The following PPP2R5E variants were observed in gnomAD, a reference collection of about 807,000 sequenced individuals.
PPP2R5E encodes the protein serine/threonine-protein phosphatase 2A 56 kDa regulatory subunit epsilon isoform.
In PPP2R5E, 4 loss-of-function variants were observed where a neutral mutation model predicts 65.3. The observed-to-expected ratio is 0.06, with a 90% CI of 0.03 to 0.14. The LOEUF (loss-of-function observed/expected upper bound fraction) is 0.14. PPP2R5E is among the 10% of genes least tolerant of loss of function. PPP2R5E has a pLI of 1.00. For synonymous variants in PPP2R5E, 183 were observed against 187.4 expected (o/e 0.98, Z 0.19); for missense variants, 274 against 556.1 (o/e 0.49, Z 5.10).
intron 5 of PPP2R5E, among the ~76,000 whole-genome samples, chr14:63,412,923 A>G (rs1886480906): frequency 6.6e-6 from 1 of 152,212 alleles, no homozygotes; most frequent in South Asian, 2.1e-4. Flanking sequence ...CTAAGACCTG[A>G]AAGGTTATGT....
In PPP2R5E at chr14:63,414,587, G is replaced by T. The variant is rs144260201; in HGVS notation, c.549+553C>A. Among the ~76,000 whole-genome samples, 379 of 152,254 alleles carry T rather than the reference G, an allele frequency of 2.5e-3. 2 individuals carry two copies. The highest frequency in any genetic ancestry group is 9.0e-3 in the African/African-American group (372 of 41,552). On this transcript the variant is annotated intron_variant, in intron 5 of 13. Transcript: ENST00000337537. Reference sequence around the variant, plus strand: ...ATTGTTATAACATGCACAATGAGGAGTCAGGAAAAAAGTGTTCCCGGAGAT... The same window carrying T: ...ATTGTTATAACATGCACAATGAGGATTCAGGAAAAAAGTGTTCCCGGAGAT...
At chr14:63,518,320 C>T (rs1892746078) in intron 2 of PPP2R5E, among the ~76,000 whole-genome samples, 1 of 152,198 alleles carries the variant, frequency 6.6e-6, no homozygotes, top group African/African-American at 2.4e-5. Flanking sequence ...TGGTTAACTG[C>T]AGCCTCAAAC....
intron 2 of PPP2R5E, among the ~76,000 whole-genome samples, chr14:63,525,091 C>T (rs1303029535): frequency 2.0e-5 from 3 of 152,192 alleles, no homozygotes; most frequent in African/African-American, 7.2e-5. Flanking sequence ...AAGCAAACAT[C>T]GCTTGTTCTT....
At chr14:63,397,384 C>T (rs58330493) in intron 5 of PPP2R5E, among the ~76,000 whole-genome samples, 10,900 of 151,654 alleles carry the variant, frequency 0.072, 529 homozygotes, top group East Asian at 0.25. Context: ...CACCTGTAAT[C>T]CCAGCTACTC....
chr14:63,538,899 G>A (rs958167663), intron 2 of PPP2R5E, among the ~76,000 whole-genome samples: 10 of 151,848 alleles, frequency 6.6e-5, no homozygotes, highest in African/African-American at 2.4e-4. Context: ...GAACCAGCCT[G>A]AGCAACAGAG....
chr14:63,515,140 G>A (rs1892615637), intron 2 of PPP2R5E, among the ~76,000 whole-genome samples: 1 of 151,744 alleles, frequency 6.6e-6, no homozygotes, highest in Non-Finnish European at 1.5e-5. Context: ...ACTTAGAGAG[G>A]GGAAAAAAGA....
chr14:63,532,867 C>T (rs1032540064), intron 2 of PPP2R5E, among the ~76,000 whole-genome samples: 1 of 152,190 alleles, frequency 6.6e-6, no homozygotes, highest in African/African-American at 2.4e-5. Flanking sequence ...CAGCATTTCA[C>T]TCTGTTGCCC....
chr14:63,389,777 A>C (rs1884901065), intron 10 of PPP2R5E, 46 bp from the exon 11 acceptor site: 1 of 1,509,734 alleles, frequency 6.6e-7, no homozygotes, highest in Admixed American at 2.4e-5. Flanking sequence ...ATCATGAAAA[A>C]AAATCCATAA....
At position 63,399,366 on chromosome 14, in the gene PPP2R5E, C is replaced by CTTTTTTTTTTTTTTTTTTTTTTTTTT. The variant is rs397814218; in HGVS notation, c.550-2676_550-2651dup. ...GCTACTAATAGGTCTGGATTTCTTT[C>CTTTTTTTTTTTTTTTTTTTTTTTTTT]TTTTTTTTTTTTTTTTTTTTTTTTT... On this transcript the variant is annotated intron_variant, in intron 5 of 13. Transcript: ENST00000337537. Among the ~76,000 whole-genome samples, 2 of 48,504 alleles carry CTTTTTTTTTTTTTTTTTTTTTTTTTT rather than the reference C, an allele frequency of 4.1e-5. 1 individual carries two copies. The highest frequency in any genetic ancestry group is 7.2e-5 in the Non-Finnish European group (2 of 27,606). 31.8% of individuals were successfully genotyped at this position (48,504 alleles called of 152,430 possible).
intron 11 of PPP2R5E, among the ~76,000 whole-genome samples, chr14:63,388,494 T>C (rs1010242998): frequency 6.6e-6 from 1 of 152,096 alleles, no homozygotes; most frequent in African/African-American, 2.4e-5. Flanking sequence ...ATGCCAAACA[T>C]CCTGCTGAAA....
chr14:63,505,094 G>A (rs1336482712), intron 2 of PPP2R5E, among the ~76,000 whole-genome samples: 1 of 152,146 alleles, frequency 6.6e-6, no homozygotes, highest in Non-Finnish European at 1.5e-5. Context: ...CAGTACTTTG[G>A]GAGGCCGAGA....
intron 2 of PPP2R5E, among the ~76,000 whole-genome samples, chr14:63,534,525 C>A (rs1302285602): frequency 6.6e-6 from 1 of 152,074 alleles, no homozygotes; most frequent in African/African-American, 2.4e-5. Context: ...TCGGCCTCCC[C>A]CAAGATTTTA....
intron 11 of PPP2R5E, among the ~76,000 whole-genome samples, chr14:63,389,111 T>C (rs1300031057): frequency 1.3e-5 from 2 of 148,608 alleles, no homozygotes; most frequent in Non-Finnish European, 2.9e-5. Flanking sequence ...GGACCTATAG[T>C]AAATTGTTCT....
At chr14:63,420,686 A>C (rs1350301018) in intron 4 of PPP2R5E, among the ~76,000 whole-genome samples, 2 of 152,180 alleles carry the variant, frequency 1.3e-5, no homozygotes, top group African/African-American at 2.4e-5. Context: ...AGAAATTCTG[A>C]AGTAGGGGGG....
chr14:63,385,626 G>A (rs149052780), intron 11 of PPP2R5E, among the ~76,000 whole-genome samples: 1 of 152,088 alleles, frequency 6.6e-6, no homozygotes, highest in Non-Finnish European at 1.5e-5. Flanking sequence ...CCTCCTATGG[G>A]CAGGCACTGT....
intron 2 of PPP2R5E, among the ~76,000 whole-genome samples, chr14:63,513,420 T>C (rs928302541): frequency 6.6e-6 from 1 of 152,198 alleles, no homozygotes; most frequent in Non-Finnish European, 1.5e-5. Flanking sequence ...TTCAAAAATA[T>C]GAACCACTCA....
intron 3 of PPP2R5E, among the ~76,000 whole-genome samples, chr14:63,438,194 T>A (rs1474090058): frequency 1.3e-5 from 2 of 152,234 alleles, no homozygotes; most frequent in Non-Finnish European, 2.9e-5. Context: ...AATTCCACAT[T>A]GAGGACACTC....
intron 6 of PPP2R5E, 84 bp downstream of exon 6, chr14:63,396,502 C>CT (rs1566672902): frequency 1.3e-6 from 2 of 1,507,772 alleles, no homozygotes; most frequent in African/African-American, 2.8e-5. Flanking sequence ...GTCAGTACAC[C>CT]GTTTTCAGAT....
chr14:63,533,043 C>T lies in PPP2R5E; in HGVS notation c.157+6486G>A, dbSNP rs1893501262. Among the ~76,000 whole-genome samples, 4 of 152,196 alleles carry T rather than the reference C, an allele frequency of 2.6e-5. No individual in the cohort carries two copies. In the South Asian group the frequency reaches 8.3e-4, roughly 32 times the overall value. Reference sequence around the variant, plus strand: ...TTAGAGACAGGCCTGCTATGTTGCACAGGCTGGCCTTGAACTCCTGGGCTC... The same window carrying T: ...TTAGAGACAGGCCTGCTATGTTGCATAGGCTGGCCTTGAACTCCTGGGCTC... On this transcript the variant is annotated intron_variant, in intron 2 of 13. Coordinates refer to ENST00000337537, the MANE Select transcript of PPP2R5E (RefSeq NM_006246.5).
Sources: allele counts gnomAD v4.1 joint callset (sites outside exome capture counted in the v4.1 genomes callset), GRCh38; gene constraint gnomAD v4.1.1; transcripts MANE v1.5; gene names NCBI Gene and HGNC (gene_info 2026-07-23, HGNC 2026-07-21).